PHACTR2: variants seen among roughly 807,000 people sequenced by gnomAD.
PHACTR2 encodes phosphatase and actin regulator 2, also known as chromosome 6 open reading frame 56.
PHACTR2 carries 30 observed loss-of-function variants against 76.0 expected under a neutral mutation model. The observed-to-expected ratio is 0.39, with a 90% CI of 0.30 to 0.54. The LOEUF (loss-of-function observed/expected upper bound fraction) is 0.54, where lower values mean the gene tolerates loss of function less well. Among genes scored for constraint, PHACTR2 ranks in the 20% least tolerant of loss-of-function variants. PHACTR2 has a pLI of 0.61. For missense variants in PHACTR2, 696 were observed against 781.1 expected, an observed-to-expected ratio of 0.89 and a Z score of 1.30; for synonymous variants, 292 against 292.5, an observed-to-expected ratio of 1.00 and a Z score of 0.02.
chr6:143,680,111 T>G lies in PHACTR2; in HGVS notation c.46+1902T>G, dbSNP rs1777356149. ...CTAAATCCGTTAGAGCTACCCTGTTTCCCTGAAGGTTTGCCATCAGATTCC... is the reference window on the plus strand; with the variant it reads ...CTAAATCCGTTAGAGCTACCCTGTTGCCCTGAAGGTTTGCCATCAGATTCC... On this transcript the variant is annotated intron_variant, in intron 1 of 12. Coordinates refer to ENST00000440869, the MANE Select transcript of PHACTR2 (RefSeq NM_001100164.2). This position sits in a 1 kb window ranked among gnomAD's most constrained non-coding sequence, Gnocchi z 4.5. Among the ~76,000 whole-genome samples the G allele has an allele frequency of 6.6e-6, 1 of 151,882 alleles. No individual in the cohort carries two copies. Among genetic ancestry groups the G allele is most frequent in the African/African-American group, 2.4e-5 (1 of 41,310 alleles).
At chr6:143,560,710 G>C (rs1030571495) in intron 1 of PHACTR2, among the ~76,000 whole-genome samples, 1 of 152,170 alleles carries the variant, frequency 6.6e-6, no homozygotes, top group East Asian at 1.9e-4. Flanking sequence ...AGGAGGTATT[G>C]GATACCTAAG....
chr6:143,603,367 C>T (rs530080431), upstream of PHACTR2, among the ~76,000 whole-genome samples: 7 of 147,850 alleles, frequency 4.7e-5, 1 homozygote, highest in South Asian at 1.3e-3. Context: ...TTGAATATAA[C>T]AGGGAAAAAA....
rs866888869 is a variant in PHACTR2 at position 143,585,910 on chromosome 6, A to G, written c.217+48703A>G. Reference sequence around the variant, plus strand: ...GGGCCGCTAGCACTTCATGGCAGGGACACATTATTTTTCTTCTTTGAAACA... The same window carrying G: ...GGGCCGCTAGCACTTCATGGCAGGGGCACATTATTTTTCTTCTTTGAAACA... On this transcript the variant is annotated intron_variant, in intron 1 of 11. Coordinates refer to the PHACTR2 transcript ENST00000367584. The surrounding 1 kb of genome is among the most constrained non-coding windows in gnomAD (Gnocchi z 5.2). Among the ~76,000 whole-genome samples, 41 of 152,320 alleles carry G rather than the reference A, an allele frequency of 2.7e-4. No individual in the cohort carries two copies. The highest frequency in any genetic ancestry group is 1.7e-3 in the South Asian group (8 of 4,826).
At chr6:143,790,924 G>A (rs1374809255) in intron 11 of PHACTR2, among the ~76,000 whole-genome samples, 4 of 152,126 alleles carry the variant, frequency 2.6e-5, no homozygotes, top group South Asian at 2.1e-4. Flanking sequence ...TGATCTGCCC[G>A]CCTCGGCCTC....
chr6:143,715,488 A>G (rs1778281568), intron 2 of PHACTR2, among the ~76,000 whole-genome samples: 1 of 152,226 alleles, frequency 6.6e-6, no homozygotes, highest in Non-Finnish European at 1.5e-5. Context: ...CTATTTGAGG[A>G]CAGCATGTTA....
At chr6:143,805,150 A>G (rs1776036335) in intron 11 of PHACTR2, among the ~76,000 whole-genome samples, 1 of 152,218 alleles carries the variant, frequency 6.6e-6, no homozygotes, top group African/African-American at 2.4e-5. Context: ...TAAAATGAAC[A>G]TCAAGACAGG....
chr6:143,668,540 C>T (rs370246176), intron 1 of PHACTR2, among the ~76,000 whole-genome samples: 3 of 152,164 alleles, frequency 2.0e-5, no homozygotes, highest in Admixed American at 6.5e-5. Flanking sequence ...TTAATTACTG[C>T]CTCTATTTCA....
chr6:143,711,899 T>G, intron 1 of PHACTR2, 117 bp from the exon 2 acceptor site: 58 of 880,518 alleles, frequency 6.6e-5, no homozygotes, highest in Non-Finnish European at 1.0e-4. Context: ...AAACTTTATG[T>G]GAGATTCCAA....
rs1415824515 is a variant in PHACTR2, at chr6:143,750,029, G to T, written c.295+964G>T. Among the ~76,000 whole-genome samples the T allele has an allele frequency of 6.6e-6, 1 of 152,050 alleles. No homozygotes were observed. The highest frequency in any genetic ancestry group is 1.5e-5 in the Non-Finnish European group (1 of 67,996). On this transcript the variant is annotated intron_variant, in intron 3 of 12. Coordinates refer to ENST00000440869, the MANE Select transcript of PHACTR2 (RefSeq NM_001100164.2). This position sits in a 1 kb window ranked among gnomAD's most constrained non-coding sequence, Gnocchi z 4.6. ...TTCCTGATATATGTTCCTTGCAAAG[G>T]ACTTAACATTTTTTGGCATTCACTA...
intron 2 of PHACTR2, among the ~76,000 whole-genome samples, chr6:143,737,241 T>A (rs1562288035): frequency 6.6e-6 from 1 of 151,302 alleles, no homozygotes; most frequent in East Asian, 1.9e-4. Flanking sequence ...ATTATATATA[T>A]TATATATATG....
rs1776620733 is a variant in PHACTR2 at position 143,829,695 on chromosome 6, A to G, written c.*6006A>G. 1 of 152,258 alleles carries G rather than the reference A, an allele frequency of 6.6e-6. No individual in the cohort carries two copies. Among genetic ancestry groups the G allele is most frequent in the East Asian group, 1.9e-4 (1 of 5,200 alleles). The allele number at this position is 152,258 out of a possible 1,614,324, so 9.4% of individuals were successfully genotyped here. A position where few individuals can be genotyped will look rare whatever the true frequency, so the allele number is the denominator to read the frequency against. ...TGAATGGCAAATATGTCTTGACATT[A>G]CTTGGATGAACTGTGGCTAGCAAAA... On this transcript the variant is annotated 3_prime_UTR_variant, in exon 13 of 13. Transcript: ENST00000440869.
chr6:143,781,237 G>A (rs1775425029), intron 9 of PHACTR2, among the ~76,000 whole-genome samples: 1 of 152,174 alleles, frequency 6.6e-6, no homozygotes, highest in African/African-American at 2.4e-5. Context: ...ATCAGTTTCT[G>A]ATGTCAAAAA....
At chr6:143,729,150 A>G (rs751181908) in intron 2 of PHACTR2, among the ~76,000 whole-genome samples, 3 of 152,056 alleles carry the variant, frequency 2.0e-5, no homozygotes, top group Non-Finnish European at 4.4e-5. Flanking sequence ...TCTTTGATGA[A>G]GTTTCTATTC....
chr6:143,815,921 G>A (rs184729778), intron 12 of PHACTR2, among the ~76,000 whole-genome samples: 601 of 151,090 alleles, frequency 4.0e-3, no homozygotes, highest in Non-Finnish European at 7.1e-3. Flanking sequence ...GAATTTATAG[G>A]AAGATGAATA....
chr6:143,601,269 ATC>A, intron 1 of PHACTR2, among the ~76,000 whole-genome samples: 2 of 152,184 alleles, frequency 1.3e-5, no homozygotes, highest in Non-Finnish European at 2.9e-5. Context: ...CTTTGAGAAA[ATC>A]AGAATCTTCT....
rs2128425883 is a variant in PHACTR2 at position 143,536,986 on chromosome 6, A to G, written c.-5A>G. On this transcript the variant is annotated 5_prime_UTR_variant, in exon 1 of 12. Transcript: ENST00000367584. The surrounding 1 kb of genome is among the most constrained non-coding windows in gnomAD (Gnocchi z 5.4). ...CCGGTGCTCCGGCCCCGCCGCCGGG[A>G]GCCGATGGCCGAGGCGGGCTGGCGC... The G allele has an allele frequency of 6.4e-6, 1 of 157,408 alleles. No homozygotes were observed. 9.8% of individuals were successfully genotyped at this position (157,408 alleles called of 1,614,324 possible). A position where few individuals can be genotyped will look rare whatever the true frequency, so the allele number is the denominator to read the frequency against.
rs904553232 is a variant in PHACTR2, at chr6:143,742,030, G to A, written c.215-6955G>A. 2.4e-4 allele frequency among the ~76,000 whole-genome samples: 37 copies of A among 152,010 alleles called. No homozygotes were observed. The highest frequency in any genetic ancestry group is 6.8e-4 in the African/African-American group (28 of 41,384). ...TGAGGCAGGAGAATTGCCTGAACGCGGGAGGTGGAGGTTGCAGTGAGCTGG... is the reference window on the plus strand; with the variant it reads ...TGAGGCAGGAGAATTGCCTGAACGCAGGAGGTGGAGGTTGCAGTGAGCTGG... On this transcript the variant is annotated intron_variant, in intron 2 of 12. Transcript: ENST00000440869. This position sits in a 1 kb window ranked among gnomAD's most constrained non-coding sequence, Gnocchi z 4.5.
rs1779432218 is a variant in PHACTR2 at position 143,761,146 on chromosome 6, C to T, written c.694+506C>T. The stretch of plus-strand genomic sequence containing the variant: ...CCCTTCTGATAAATGACAAAGGGTT[C>T]ATGTCACTTGTTTCAGCTCCACCCC... On this transcript the variant is annotated intron_variant, in intron 5 of 12. Transcript: ENST00000440869. This position sits in a 1 kb window ranked among gnomAD's most constrained non-coding sequence, Gnocchi z 5.2. 6.6e-6 allele frequency among the ~76,000 whole-genome samples: 1 copy of T among 152,192 alleles called. No individual in the cohort carries two copies. The highest frequency in any genetic ancestry group is 2.4e-5 in the African/African-American group (1 of 41,446).
rs949426044 is a variant in PHACTR2 at position 143,638,903 on chromosome 6, G to A, written c.13+30581G>A. ...AATTTTCCTGCCCAATTGCATATTT[G>A]TCCTTAATAATCAGTAGTTTACAAA... On this transcript the variant is annotated intron_variant, in intron 1 of 11. Transcript: ENST00000305766. Among the ~76,000 whole-genome samples the A allele has an allele frequency of 5.6e-4, 85 of 152,014 alleles. 3 individuals are homozygous for A. The highest frequency in any genetic ancestry group is 1.3e-4 in the Admixed American group (2 of 15,274).
Sources: gnomAD v4.1 joint callset for allele counts (sites outside exome capture counted in the v4.1 genomes callset) on GRCh38, gnomAD v4.1.1 for gene constraint, Gnocchi (gnomAD v3.1) non-coding constraint, MANE v1.5 for transcripts, NCBI Gene and HGNC (gene_info 2026-07-23, HGNC 2026-07-21) for gene names.